The following TBC1D19 variants were observed in gnomAD, a reference collection of about 807,000 sequenced individuals.
TBC1D19 encodes TBC1 domain family member 19.
In TBC1D19, 60 loss-of-function variants were observed where a neutral mutation model predicts 89.0. The observed-to-expected ratio is 0.67, with a 90% CI of 0.55 to 0.84. The LOEUF (loss-of-function observed/expected upper bound fraction) is 0.84. Among genes scored for constraint, TBC1D19 ranks in the 40% least tolerant of loss-of-function variants. TBC1D19 has a pLI of 0.00. For synonymous variants in TBC1D19, 189 were observed against 199.7 expected (o/e 0.95, Z 0.45); for missense variants, 500 against 610.8 (o/e 0.82, Z 1.91).
At chr4:26,656,353 A>G (rs996900965) in intron 7 of TBC1D19, among the ~76,000 whole-genome samples, 1 of 152,102 alleles carries the variant, frequency 6.6e-6, no homozygotes, top group Non-Finnish European at 1.5e-5. Flanking sequence ...ATTTTATTAT[A>G]TGAATTAACC....
the TBC1D19 span, among the ~76,000 whole-genome samples, chr4:26,781,373 C>T: frequency 6.6e-6 from 1 of 152,142 alleles, no homozygotes; most frequent in Non-Finnish European, 1.5e-5. Flanking sequence ...GTGATGTGAC[C>T]TTGGATGTCA....
At chr4:26,850,298 C>G in the TBC1D19 span, among the ~76,000 whole-genome samples, 1 of 151,766 alleles carries the variant, frequency 6.6e-6, no homozygotes, top group Admixed American at 6.6e-5. Flanking sequence ...CCTATAATCC[C>G]AGCACTTTGG....
At chr4:26,719,001 C>G (rs1716816346) in intron 14 of TBC1D19, among the ~76,000 whole-genome samples, 1 of 152,030 alleles carries the variant, frequency 6.6e-6, no homozygotes, top group Admixed American at 6.6e-5. Flanking sequence ...CCTTAAAAAT[C>G]ATAGGTCCTT....
chr4:26,640,455 C>T (rs746740543), intron 7 of TBC1D19, among the ~76,000 whole-genome samples: 2 of 152,162 alleles, frequency 1.3e-5, no homozygotes, highest in Non-Finnish European at 2.9e-5. Context: ...TGGCCGAATA[C>T]GAACAGGCCC....
chr4:26,662,470 A>G (rs937105990), intron 8 of TBC1D19, among the ~76,000 whole-genome samples: 1 of 152,180 alleles, frequency 6.6e-6, no homozygotes, highest in East Asian at 1.9e-4. Context: ...TCAATCTACA[A>G]AGATTAACAT....
At chr4:26,795,454 T>C in the TBC1D19 span, among the ~76,000 whole-genome samples, 3 of 152,198 alleles carry the variant, frequency 2.0e-5, no homozygotes, top group South Asian at 4.1e-4. Flanking sequence ...GCCTTCACTC[T>C]AACGTAAGCT....
At chr4:26,804,748 C>G in the TBC1D19 span, among the ~76,000 whole-genome samples, 3 of 152,158 alleles carry the variant, frequency 2.0e-5, no homozygotes, top group African/African-American at 7.2e-5. Flanking sequence ...GTGATTTGAG[C>G]GCTGTGTGCG....
chr4:26,715,991 T>C (rs930385894), intron 13 of TBC1D19, among the ~76,000 whole-genome samples: 9 of 152,114 alleles, frequency 5.9e-5, no homozygotes, highest in Non-Finnish European at 1.2e-4. Flanking sequence ...TGATTAGATA[T>C]CACCTTCTCA....
At chr4:26,735,331 C>A in intron 15 of TBC1D19, 124 bp from the exon 16 acceptor site, 1 of 702,642 alleles carries the variant, frequency 1.4e-6, no homozygotes, top group Non-Finnish European at 2.3e-6. Flanking sequence ...GTCTTTCTGA[C>A]ATTTATGAAC....
rs1018963610 is a variant in TBC1D19 at position 26,597,255 on chromosome 4, T to TTA, written c.99+12968_99+12969dup. On this transcript the variant is annotated intron_variant, in intron 1 of 20. Coordinates refer to ENST00000264866, the MANE Select transcript of TBC1D19 (RefSeq NM_018317.4). ...TGTATTTAAAGGCTATTTTTAGTGG[T>TTA]TATATACAGATTGATCTTATGATAT... 3.9e-4 allele frequency among the ~76,000 whole-genome samples: 60 copies of TTA among 152,336 alleles called. No homozygotes were observed. The Middle Eastern group carries it at 0.014, about 35-fold the overall frequency.
At chr4:26,651,124 T>A (rs528025674) in intron 7 of TBC1D19, among the ~76,000 whole-genome samples, 7 of 152,318 alleles carry the variant, frequency 4.6e-5, no homozygotes, top group African/African-American at 1.4e-4. Context: ...TGTAGCCTTG[T>A]AGTATAGTTT....
intron 13 of TBC1D19, among the ~76,000 whole-genome samples, chr4:26,694,307 G>A (rs1714569974): frequency 2.0e-5 from 3 of 152,170 alleles, no homozygotes; most frequent in African/African-American, 7.2e-5. Flanking sequence ...TGCTAGCACA[G>A]CAGTCTGAGA....
At chr4:26,850,540 C>CAAAA in the TBC1D19 span, among the ~76,000 whole-genome samples, 44 of 90,408 alleles carry the variant, frequency 4.9e-4, 1 homozygote, top group Non-Finnish European at 5.8e-4. Flanking sequence ...GACCCTGTCT[C>CAAAA]AAAAAAAAAA....
chr4:26,786,788 GAT>G, the TBC1D19 span, among the ~76,000 whole-genome samples: 1 of 151,092 alleles, frequency 6.6e-6, no homozygotes, highest in African/African-American at 2.4e-5. Context: ...TGGATGGATG[GAT>G]GGATGGGTGG....
chr4:26,783,740 C>T, the TBC1D19 span, among the ~76,000 whole-genome samples: 5 of 152,004 alleles, frequency 3.3e-5, no homozygotes, highest in African/African-American at 1.2e-4. Flanking sequence ...CAGGAGGATG[C>T]GGGTGGGGAT....
intron 7 of TBC1D19, among the ~76,000 whole-genome samples, chr4:26,645,815 A>T (rs934456730): frequency 6.6e-6 from 1 of 152,172 alleles, no homozygotes; most frequent in African/African-American, 2.4e-5. Context: ...ACAAGAAAAA[A>T]ACAACCCCAT....
intron 13 of TBC1D19, among the ~76,000 whole-genome samples, chr4:26,690,598 A>G (rs549287137): frequency 3.3e-5 from 5 of 152,210 alleles, no homozygotes; most frequent in African/African-American, 1.2e-4. Context: ...TGCTTAATCT[A>G]CTCTGCCTGT....
the TBC1D19 span, among the ~76,000 whole-genome samples, chr4:26,830,868 C>T: frequency 6.6e-6 from 1 of 152,176 alleles, no homozygotes; most frequent in Non-Finnish European, 1.5e-5. Context: ...ACGCTAGCCT[C>T]AGACCTCTGC....
At chr4:26,694,786 C>T (rs191646317) in intron 13 of TBC1D19, among the ~76,000 whole-genome samples, 2 of 152,350 alleles carry the variant, frequency 1.3e-5, no homozygotes, top group East Asian at 3.9e-4. Flanking sequence ...CAAACAGGGT[C>T]TGGAGTGGAC....
Sources: allele counts gnomAD v4.1 joint callset (sites outside exome capture counted in the v4.1 genomes callset), GRCh38; gene constraint gnomAD v4.1.1; transcripts MANE v1.5; gene names NCBI Gene and HGNC (gene_info 2026-07-23, HGNC 2026-07-21).